The following NELL1 variants were observed in gnomAD, a reference collection of about 807,000 sequenced individuals.
NELL1 encodes neural EGFL like 1.
NELL1 carries 76 observed loss-of-function variants against 107.4 expected under a neutral mutation model. That is an observed-to-expected ratio of 0.71 (90% CI 0.59 to 0.86). The LOEUF (loss-of-function observed/expected upper bound fraction) is 0.86. Ranked by LOEUF, NELL1 falls within the 40% of genes least tolerant of loss-of-function variation. NELL1 has a pLI of 0.00. For missense variants in NELL1, 1,024 were observed against 1,005.5 expected, an observed-to-expected ratio of 1.02 and a Z score of -0.25; for synonymous variants, 353 against 341.2, an observed-to-expected ratio of 1.03 and a Z score of -0.38.
intron 14 of NELL1, among the ~76,000 whole-genome samples, chr11:21,276,792 T>G (rs1218279963): frequency 5.3e-5 from 8 of 152,158 alleles, no homozygotes; most frequent in Non-Finnish European, 1.2e-4. Context: ...AAACAAGCAA[T>G]GGGGAAAGGA....
chr11:21,435,509 T>TC (rs2133838905), intron 15 of NELL1, among the ~76,000 whole-genome samples: 1 of 151,794 alleles, frequency 6.6e-6, no homozygotes, highest in South Asian at 2.1e-4. Flanking sequence ...TTTTGTTTTT[T>TC]TTTACCATGA....
At chr11:21,372,161 G>A (rs192837532) in intron 15 of NELL1, among the ~76,000 whole-genome samples, 9 of 151,948 alleles carry the variant, frequency 5.9e-5, no homozygotes, top group South Asian at 4.2e-4. Flanking sequence ...TTTGCGCAGC[G>A]CAAGAGAATT....
intron 3 of NELL1, among the ~76,000 whole-genome samples, chr11:20,844,866 C>T (rs1564931467): frequency 6.6e-6 from 1 of 152,318 alleles, no homozygotes; most frequent in South Asian, 2.1e-4. Context: ...CTACAGACCA[C>T]CCTGAGTCAC....
intron 15 of NELL1, among the ~76,000 whole-genome samples, chr11:21,516,835 C>T (rs1318139563): frequency 1.3e-5 from 2 of 150,816 alleles, no homozygotes; most frequent in African/African-American, 2.4e-5. Flanking sequence ...GACGGAGTCT[C>T]GCTCTGTTGC....
intron 14 of NELL1, among the ~76,000 whole-genome samples, chr11:21,305,879 C>G (rs551147432): frequency 2.5e-4 from 38 of 151,928 alleles, no homozygotes; most frequent in Admixed American, 1.2e-3. Flanking sequence ...TCATAATTAC[C>G]ACTACAATCA....
intron 15 of NELL1, among the ~76,000 whole-genome samples, chr11:21,398,998 A>G (rs554181560): frequency 6.6e-6 from 1 of 151,688 alleles, no homozygotes; most frequent in East Asian, 2.0e-4. Flanking sequence ...TACAATATTC[A>G]GATTTGTCTT....
intron 14 of NELL1, among the ~76,000 whole-genome samples, chr11:21,326,674 A>G (rs1393700917): frequency 6.6e-6 from 1 of 151,796 alleles, no homozygotes; most frequent in Non-Finnish European, 1.5e-5. Flanking sequence ...GCTGGTGGTA[A>G]TGTCCCTCAG....
chr11:20,761,127 G>T (rs1856410709), intron 2 of NELL1, among the ~76,000 whole-genome samples: 1 of 152,324 alleles, frequency 6.6e-6, no homozygotes, highest in African/African-American at 2.4e-5. Context: ...GGTGGAGGAG[G>T]AAGAATTTTA....
chr11:21,477,718 A>T (rs1240676828), intron 15 of NELL1, among the ~76,000 whole-genome samples: 1 of 152,138 alleles, frequency 6.6e-6, no homozygotes, highest in East Asian at 1.9e-4. Flanking sequence ...GGCACCAGGA[A>T]CAAATCCTAA....
intron 3 of NELL1, among the ~76,000 whole-genome samples, chr11:20,829,013 C>T (rs188554523): frequency 2.0e-4 from 31 of 152,232 alleles, no homozygotes; most frequent in Admixed American, 1.2e-3. Context: ...ATTGGGATGT[C>T]GATCACTGGT....
At position 21,563,282 on chromosome 11, in the gene NELL1, T is replaced by C. The variant is rs372944594; in HGVS notation, c.1980+2900T>C. ...TTTCAGCCTGTGCTACATGGGAAGG[T>C]AGAGACGTCCCCAGCTTATTCGTTT... On this transcript the variant is annotated intron_variant, in intron 17 of 19. Coordinates refer to ENST00000357134, the MANE Select transcript of NELL1 (RefSeq NM_006157.5). Among the ~76,000 whole-genome samples the C allele has an allele frequency of 2.6e-5, 4 of 152,206 alleles. No individual in the cohort carries two copies. In the East Asian group the frequency reaches 5.8e-4, roughly 22 times the overall value.
chr11:21,567,360 A>AGGATCAGGACACTTCCTTGTC (rs374302248), intron 17 of NELL1, among the ~76,000 whole-genome samples: 2,209 of 151,926 alleles, frequency 0.015, 50 homozygotes, highest in African/African-American at 0.049. Flanking sequence ...GGAAATTCCT[A>AGGATCAGGACACTTCCTTGTC]GGATCAGGAC....
chr11:21,011,493 G>A (rs1362403918), intron 12 of NELL1, among the ~76,000 whole-genome samples: 3 of 152,102 alleles, frequency 2.0e-5, no homozygotes, highest in Admixed American at 1.3e-4. Context: ...AAAATAACCA[G>A]ACCCTTACAC....
chr11:21,073,581 G>A lies in NELL1; in HGVS notation c.1301-40008G>A, dbSNP rs541985148. Among the ~76,000 whole-genome samples the A allele has an allele frequency of 1.1e-4, 16 of 152,232 alleles. No homozygotes were observed. The South Asian group carries it at 2.7e-3, about 26-fold the overall frequency. ...CCTTGATGCTTAAAGCCCATGTATG[G>A]CATCACAGCTGTATGTGATCAAAGA... is the stretch of plus-strand genomic sequence containing the variant. On this transcript the variant is annotated intron_variant, in intron 12 of 19. Transcript: ENST00000357134.
intron 13 of NELL1, among the ~76,000 whole-genome samples, chr11:21,129,831 A>G (rs1178789609): frequency 6.6e-6 from 1 of 152,192 alleles, no homozygotes. Context: ...TTGGAGATGG[A>G]TGGTGGTGAT....
intron 15 of NELL1, among the ~76,000 whole-genome samples, chr11:21,427,955 G>A (rs895066873): frequency 2.0e-5 from 3 of 152,308 alleles, no homozygotes; most frequent in East Asian, 1.9e-4. Flanking sequence ...TGCTCTGTGA[G>A]GGATGGCAGG....
At position 20,755,533 on chromosome 11, in the gene NELL1, GGTTTTTGTTTTTTTTTGTTTTTGTTTTT is replaced by G. The variant is rs1226869155; in HGVS notation, c.185-28140_185-28113del. On this transcript the variant is annotated intron_variant, in intron 2 of 19. Coordinates refer to ENST00000357134, the MANE Select transcript of NELL1 (RefSeq NM_006157.5). ...ATTTCATGTAAAAAAGACCTGTGTG[GGTTTTTGTTTTTTTTTGTTTTTGTTTTT>G]GTTTTTTTTTTTTTGAGACAGAATC... is the stretch of plus-strand genomic sequence containing the variant. Among the ~76,000 whole-genome samples, 189 of 60,622 alleles carry G rather than the reference GGTTTTTGTTTTTTTTTGTTTTTGTTTTT, an allele frequency of 3.1e-3. 9 individuals carry two copies. Among genetic ancestry groups the G allele is most frequent in the East Asian group, 0.014 (16 of 1,182 alleles). The allele number at this position is 60,622 out of a possible 152,430, so 39.8% of individuals were successfully genotyped here.
chr11:21,347,703 A>T (rs1301446470), intron 14 of NELL1, among the ~76,000 whole-genome samples: 3 of 152,222 alleles, frequency 2.0e-5, no homozygotes, highest in African/African-American at 7.2e-5. Context: ...CAAATTATGG[A>T]CATATATAAA....
intron 15 of NELL1, among the ~76,000 whole-genome samples, chr11:21,420,324 G>T (rs144429719): frequency 1.5e-3 from 234 of 152,056 alleles, no homozygotes; most frequent in African/African-American, 5.3e-3. Flanking sequence ...ACTTACTTTT[G>T]CTTCCTAAGT....
Sources: allele counts gnomAD v4.1 joint callset (sites outside exome capture counted in the v4.1 genomes callset), GRCh38; gene constraint gnomAD v4.1.1; transcripts MANE v1.5; gene names NCBI Gene and HGNC (gene_info 2026-07-23, HGNC 2026-07-21).